Variants in BLTP3B observed in about 807,000 individuals in gnomAD.
The protein encoded by BLTP3B is UHRF1 (ICBP90) binding protein 1-like.
the BLTP3B span, among the ~76,000 whole-genome samples, chr12:100,061,375 AG>A: frequency 1.3e-5 from 2 of 152,182 alleles, no homozygotes; most frequent in Non-Finnish European, 2.9e-5. Flanking sequence ...ATCTATATGC[AG>A]GGCCGGCGCG....
At chr12:100,132,838 C>T in the BLTP3B span, among the ~76,000 whole-genome samples, 1 of 152,084 alleles carries the variant, frequency 6.6e-6, no homozygotes, top group East Asian at 1.9e-4. Context: ...ATCCCAGCTA[C>T]TCCGGAGGCT....
chr12:100,129,284 G>A, the BLTP3B span, among the ~76,000 whole-genome samples: 168 of 152,146 alleles, frequency 1.1e-3, 1 homozygote, highest in Non-Finnish European at 1.8e-3. Flanking sequence ...TATTCATAGT[G>A]GGGGGAGAAA....
chr12:100,067,737 A>C, the BLTP3B span, among the ~76,000 whole-genome samples: 1 of 152,178 alleles, frequency 6.6e-6, no homozygotes. Context: ...GCTAAAAAAA[A>C]ACACAAAACT....
the BLTP3B span, chr12:100,059,260 T>C: frequency 3.1e-6 from 5 of 1,613,960 alleles, no homozygotes; most frequent in Non-Finnish European, 4.2e-6. Context: ...ATATTTCCTT[T>C]ATAAATTTCA....
chr12:100,067,341 A>T, the BLTP3B span, among the ~76,000 whole-genome samples: 41 of 152,158 alleles, frequency 2.7e-4, no homozygotes, highest in Non-Finnish European at 4.6e-4. Context: ...GACCAATATC[A>T]GAGAAGAACT....
At chr12:100,087,370 A>C in the BLTP3B span, among the ~76,000 whole-genome samples, 1 of 152,156 alleles carries the variant, frequency 6.6e-6, no homozygotes, top group Non-Finnish European at 1.5e-5. Context: ...TCCCTATATT[A>C]ATTTGTAAAA....
chr12:100,120,437 A>G, the BLTP3B span, among the ~76,000 whole-genome samples: 1 of 152,144 alleles, frequency 6.6e-6, no homozygotes, highest in African/African-American at 2.4e-5. Context: ...CTTGGAACCA[A>G]AGAAGACACA....
chr12:100,059,083 T>C, the BLTP3B span: 1 of 1,614,100 alleles, frequency 6.2e-7, no homozygotes, highest in East Asian at 2.2e-5. Flanking sequence ...GCATATCTTG[T>C]TGGTTGACAA....
At chr12:100,086,225 T>G in the BLTP3B span, 3 of 1,193,644 alleles carry the variant, frequency 2.5e-6, no homozygotes, top group Non-Finnish European at 3.4e-6. Flanking sequence ...AAATTAGCTA[T>G]ATAATTTGAA....
the BLTP3B span, among the ~76,000 whole-genome samples, chr12:100,099,035 CAGGCTGG>C: frequency 1.3e-5 from 2 of 151,670 alleles, no homozygotes; most frequent in Non-Finnish European, 2.9e-5. Flanking sequence ...CTCTGTCGCC[CAGGCTGG>C]AGTGCAGTGG....
chr12:100,123,731 C>T, the BLTP3B span, among the ~76,000 whole-genome samples: 978 of 151,332 alleles, frequency 6.5e-3, 10 homozygotes, highest in African/African-American at 0.022. Flanking sequence ...TCAAAGTATG[C>T]TCCCAATGGT....
the BLTP3B span, among the ~76,000 whole-genome samples, chr12:100,141,332 T>C: frequency 6.7e-6 from 1 of 149,284 alleles, no homozygotes; most frequent in East Asian, 1.9e-4. Context: ...AAATACTACA[T>C]ATATACACAT....
At chr12:100,101,648 T>G in the BLTP3B span, among the ~76,000 whole-genome samples, 16,848 of 152,232 alleles carry the variant, frequency 0.11, 1,417 homozygotes, top group African/African-American at 0.23. Context: ...TTTAATAACT[T>G]CTAACTTTTC....
the BLTP3B span, among the ~76,000 whole-genome samples, chr12:100,055,918 ACT>A: frequency 3.3e-5 from 5 of 151,946 alleles, no homozygotes; most frequent in African/African-American, 1.2e-4. Flanking sequence ...TTATTTAACC[ACT>A]CTCTGAAGAT....
At chr12:100,140,312 A>ACTGAAAACTCAAGTGTC in the BLTP3B span, among the ~76,000 whole-genome samples, 1 of 152,186 alleles carries the variant, frequency 6.6e-6, no homozygotes, top group African/African-American at 2.4e-5. Flanking sequence ...ATATGAAATA[A>ACTGAAAACTCAAGTGTC]CTGAAAACTC....
the BLTP3B span, among the ~76,000 whole-genome samples, chr12:100,115,399 CTGTCTCAAAAAATAAAATAGTGA>C: frequency 2.6e-5 from 4 of 152,154 alleles, no homozygotes; most frequent in Non-Finnish European, 5.9e-5. Flanking sequence ...GGGTGAAACT[CTGTCTCAAAAAATAAAATAGTGA>C]TCATAACTAA....
At chr12:100,073,151 T>C in the BLTP3B span, among the ~76,000 whole-genome samples, 5 of 152,146 alleles carry the variant, frequency 3.3e-5, no homozygotes, top group African/African-American at 1.2e-4. Flanking sequence ...AGTCAGGACA[T>C]AGATCCAAGT....
the BLTP3B span, among the ~76,000 whole-genome samples, chr12:100,055,677 CA>C: frequency 0.37 from 31,150 of 83,340 alleles, 5,032 homozygotes; most frequent in African/African-American, 0.57. Flanking sequence ...AACTACATCT[CA>C]AAAAAAAAAA....
At chr12:100,133,223 CAG>C in the BLTP3B span, among the ~76,000 whole-genome samples, 2 of 152,116 alleles carry the variant, frequency 1.3e-5, no homozygotes, top group African/African-American at 4.8e-5. Context: ...GCCTGGGTAA[CAG>C]AGTGAGACTG....
Sources: allele counts gnomAD v4.1 joint callset (sites outside exome capture counted in the v4.1 genomes callset), GRCh38; gene constraint gnomAD v4.1.1; transcripts MANE v1.5; gene names NCBI Gene and HGNC (gene_info 2026-07-23, HGNC 2026-07-21).